Variants in RTP2 observed in about 807,000 individuals in gnomAD.
The protein encoded by RTP2 is receptor-transporting protein 2.
A neutral mutation model predicts 17.9 loss-of-function variants in RTP2; 12 were observed. That is an observed-to-expected ratio of 0.67 (90% confidence interval 0.43 to 1.09). The LOEUF (loss-of-function observed/expected upper bound fraction) is 1.09. Among genes scored for constraint, RTP2 ranks in the 50% least tolerant of loss-of-function variants. The probability of loss-of-function intolerance (pLI) is 0.00; values close to 1 mark genes in which losing one functional copy is unlikely to be tolerated. For missense variants in RTP2, 327 were observed against 295.7 expected, an observed-to-expected ratio of 1.11 and a Z score of -0.78; for synonymous variants, 126 against 117.7, an observed-to-expected ratio of 1.07 and a Z score of -0.46.
chr3:187,704,925 T>C (rs1717952840), upstream of RTP2, among the ~76,000 whole-genome samples: 1 of 152,132 alleles, frequency 6.6e-6, no homozygotes, highest in African/African-American at 2.4e-5. Context: ...CTTTTATTAA[T>C]TGGCAGCAAC....
chr3:187,707,136 C>T (rs1423587761), upstream of RTP2, among the ~76,000 whole-genome samples: 3 of 152,198 alleles, frequency 2.0e-5, no homozygotes, highest in South Asian at 2.1e-4. Flanking sequence ...TTCTATGGAG[C>T]CTGGGCTTCC....
the RTP2 span, among the ~76,000 whole-genome samples, chr3:187,707,699 T>C: frequency 6.6e-6 from 1 of 152,230 alleles, no homozygotes; most frequent in Non-Finnish European, 1.5e-5. Flanking sequence ...GTGAAATTAC[T>C]AAATCGTTTT....
At chr3:187,699,189 G>C (rs1246340346) in intron 1 of RTP2, among the ~76,000 whole-genome samples, 178 bp from the exon 2 acceptor site, 1 of 152,124 alleles carries the variant, frequency 6.6e-6, no homozygotes, top group East Asian at 1.9e-4. Flanking sequence ...CTCCTGGTGA[G>C]CACCCCTGGG....
the RTP2 span, among the ~76,000 whole-genome samples, chr3:187,715,255 C>G: frequency 6.6e-6 from 1 of 152,190 alleles, no homozygotes; most frequent in Non-Finnish European, 1.5e-5. Flanking sequence ...AGATTGCTGC[C>G]AACTCACCAC....
upstream of RTP2, chr3:187,702,563 C>G (rs1340786071): frequency 2.2e-6 from 1 of 457,326 alleles, no homozygotes; most frequent in East Asian, 6.9e-5. Flanking sequence ...CCTAGGAAGT[C>G]AAGGAGAAAT....
chr3:187,709,840 G>C, the RTP2 span, among the ~76,000 whole-genome samples: 24 of 152,264 alleles, frequency 1.6e-4, no homozygotes, highest in South Asian at 6.2e-4. Flanking sequence ...AACTTCGCTT[G>C]ACCAAGGGGT....
At chr3:187,698,536 A>T (rs1309624604) in exon 2 of RTP2, 1 of 1,613,478 alleles carries the variant, frequency 6.2e-7, no homozygotes, top group Non-Finnish European at 8.5e-7. Flanking sequence ...AACTGCAGGT[A>T]AACAACGAGC....
At chr3:187,702,577 G>A (rs2108543067), upstream of RTP2, 1 of 457,064 alleles carries the variant, frequency 2.2e-6, no homozygotes, top group African/African-American at 2.0e-5. Context: ...GAGAAATGAG[G>A]GACAGGGAAA....
chr3:187,711,772 T>G, the RTP2 span, among the ~76,000 whole-genome samples: 1 of 152,168 alleles, frequency 6.6e-6, no homozygotes, highest in Non-Finnish European at 1.5e-5. Flanking sequence ...AAAGTAAGAA[T>G]AATAAAAGAG....
the RTP2 span, among the ~76,000 whole-genome samples, chr3:187,712,684 G>A: frequency 6.6e-6 from 1 of 152,142 alleles, no homozygotes; most frequent in African/African-American, 2.4e-5. Context: ...CTGGATGCAG[G>A]AAAACTTGGG....
At chr3:187,709,265 A>G in the RTP2 span, among the ~76,000 whole-genome samples, 1 of 152,152 alleles carries the variant, frequency 6.6e-6, no homozygotes, top group Admixed American at 6.5e-5. Flanking sequence ...TTGGTGCACA[A>G]TGGCTTGTGA....
chr3:187,698,953 G>C, exon 2 of RTP2: 1 of 1,606,600 alleles, frequency 6.2e-7, no homozygotes, highest in African/African-American at 1.3e-5. Context: ...AGGAACATGT[G>C]GAAGAGGATG....
chr3:187,704,197 A>C (rs986825802), upstream of RTP2, among the ~76,000 whole-genome samples: 10 of 152,230 alleles, frequency 6.6e-5, no homozygotes, highest in Non-Finnish European at 1.5e-4. Flanking sequence ...TATTCTGCAA[A>C]CAAATCAGCA....
At chr3:187,699,081 A>G in intron 1 of RTP2, 70 bp from the exon 2 acceptor site, 1 of 1,479,948 alleles carries the variant, frequency 6.8e-7, no homozygotes, top group Non-Finnish European at 9.0e-7. Flanking sequence ...AAGCTCTGAG[A>G]GGGAAAAAAA....
chr3:187,701,585 C>G (rs1227940755), intron 1 of RTP2, among the ~76,000 whole-genome samples: 1 of 152,152 alleles, frequency 6.6e-6, no homozygotes, highest in Non-Finnish European at 1.5e-5. Flanking sequence ...AGGAACAGAG[C>G]ATAGCTGTAC....
At chr3:187,713,249 C>G in the RTP2 span, among the ~76,000 whole-genome samples, 1 of 152,238 alleles carries the variant, frequency 6.6e-6, no homozygotes, top group Admixed American at 6.5e-5. Context: ...TCTCTGTCTA[C>G]TCCCAGAATT....
upstream of RTP2, among the ~76,000 whole-genome samples, chr3:187,704,510 TTGTTACTGATGGGATA>T (rs770494995): frequency 2.0e-5 from 3 of 152,208 alleles, no homozygotes; most frequent in Non-Finnish European, 4.4e-5. Context: ...TTGCCAGCCA[TTGTTACTGATGGGATA>T]TGTTGTCCCA....
upstream of RTP2, among the ~76,000 whole-genome samples, chr3:187,705,722 G>C (rs1319454850): frequency 6.6e-6 from 1 of 152,144 alleles, no homozygotes; most frequent in Non-Finnish European, 1.5e-5. Flanking sequence ...CAGAAAGGCT[G>C]TTTGGCCCCA....
the RTP2 span, among the ~76,000 whole-genome samples, chr3:187,714,556 C>A: frequency 6.6e-6 from 1 of 152,242 alleles, no homozygotes. Context: ...AAAGTGGCAC[C>A]TACAGCCTTC....
Sources: allele counts gnomAD v4.1 joint callset (sites outside exome capture counted in the v4.1 genomes callset), GRCh38; gene constraint gnomAD v4.1.1; transcripts MANE v1.5; gene names NCBI Gene and HGNC (gene_info 2026-07-23, HGNC 2026-07-21).